HEPH: variants seen among roughly 807,000 people sequenced by gnomAD.
The protein encoded by HEPH is hephaestin.
Under a neutral mutation model 80.8 loss-of-function variants are expected in HEPH, and 69 were observed. The ratio of observed to expected loss-of-function variants is 0.85; its 90% CI spans 0.70 to 1.04. HEPH has a LOEUF of 1.04. Ranked by LOEUF, HEPH falls within the 50% of genes least tolerant of loss-of-function variation. The pLI is 0.00. For synonymous variants in HEPH, 431 were observed against 322.8 expected (o/e 1.34, Z -3.60); for missense variants, 1,115 against 891.3 (o/e 1.25, Z -3.20).
intron 15 of HEPH, among the ~76,000 whole-genome samples, chrX:66,252,903 G>T (rs1338842449): frequency 8.9e-6 from 1 of 112,168 alleles, no homozygotes; most frequent in Non-Finnish European, 1.9e-5. Flanking sequence ...ATATCCACAT[G>T]CAAAACTATG....
intron 15 of HEPH, among the ~76,000 whole-genome samples, chrX:66,234,925 A>G (rs1376494539): frequency 9.0e-6 from 1 of 110,874 alleles, no homozygotes; most frequent in Non-Finnish European, 1.9e-5. Flanking sequence ...CTGGGATTAC[A>G]GGCGTGAACC....
intron 10 of HEPH, among the ~76,000 whole-genome samples, chrX:66,198,157 TC>T (rs1222453634): frequency 4.9e-5 from 5 of 102,352 alleles, no homozygotes; most frequent in African/African-American, 1.5e-4. Flanking sequence ...CCTCCTTCCC[TC>T]CCTCCCTCTC....
intron 15 of HEPH, among the ~76,000 whole-genome samples, chrX:66,231,438 C>T (rs1476959880): frequency 9.6e-6 from 1 of 104,204 alleles, no homozygotes; most frequent in African/African-American, 3.5e-5. Context: ...TTGTTTGTAT[C>T]CTCTTTTATT....
chrX:66,190,058 A>G (rs1340311314), intron 6 of HEPH, 120 bp downstream of exon 6: 2 of 736,767 alleles, frequency 2.7e-6, no homozygotes, highest in African/African-American at 4.5e-5. Flanking sequence ...TCTTGGGATA[A>G]AGGATAGCAC....
intron 10 of HEPH, 25 bp downstream of exon 10, chrX:66,197,919 A>G: frequency 3.5e-6 from 4 of 1,149,544 alleles, no homozygotes; most frequent in Non-Finnish European, 4.7e-6. Context: ...ATCTGGCTGG[A>G]AAGCCTGCTG....
rs1207748479 is a variant in HEPH, at chrX:66,188,505, G to A, written c.772G>A (p.Glu258Lys). The A allele has an allele frequency of 8.3e-7, 1 of 1,210,480 alleles. No individual in the cohort carries two copies. The highest frequency in any genetic ancestry group is 1.1e-6 in the Non-Finnish European group (1 of 895,024). ...CTCAGATCCTGCTTCAGTGGACAAA[G>A]AAGATGAGACATTTCAGGAGAGCAA... ...YCSDPASVDKEDETFQESNRM... is the reference protein window; with the variant it reads ...YCSDPASVDKKDETFQESNRM... The change falls in exon 5 of 21, where the codon GAA becomes AAA. Residue 258 changes from glutamate to lysine, a missense_variant. By Grantham distance (56) the Glu-to-Lys change is moderately conservative (BLOSUM62 1). Around this residue, in one of 3 missense-constraint regions of HEPH, gnomAD observed 391 missense variants for 343.6 expected, o/e 1.14. Coordinates refer to ENST00000343002, the MANE Select transcript of HEPH (RefSeq NM_001367233.3).
At chrX:66,217,551 C>T in intron 15 of HEPH, among the ~76,000 whole-genome samples, 1 of 111,282 alleles carries the variant, frequency 9.0e-6, no homozygotes, top group Non-Finnish European at 1.9e-5. Context: ...AACTTGAAAC[C>T]AATCCTCAAA....
chrX:66,263,770 G>A, intron 20 of HEPH, 82 bp downstream of exon 20: 1 of 908,992 alleles, frequency 1.1e-6, no homozygotes, highest in Non-Finnish European at 1.6e-6. Context: ...TTAGGGTATG[G>A]GACTTATGTG....
chrX:66,188,423 C>G lies in HEPH; in HGVS notation c.690C>G (p.Phe230Leu). 8.3e-7 allele frequency: 1 copy of G among 1,206,658 alleles called. No individual in the cohort carries two copies. The highest frequency in any genetic ancestry group is 1.1e-6 in the Non-Finnish European group (1 of 892,516). Residue 230 changes from phenylalanine to leucine, a missense_variant, in exon 5 of 21, where the codon TTC becomes TTG. Physicochemically the swap from Phe to Leu is conservative, Grantham distance 22 (BLOSUM62 0). Around this residue, in one of 3 missense-constraint regions of HEPH, gnomAD observed 391 missense variants for 343.6 expected, o/e 1.14. Transcript: ENST00000343002. ...QDVDHDFFLL[F>L]SVVDENLSWH... ...TAGACCATGATTTCTTCCTCCTCTT[C>G]AGTGTGGTAGATGAGAACCTCAGCT...
At chrX:66,234,064 C>A (rs1602456728) in intron 15 of HEPH, among the ~76,000 whole-genome samples, 2 of 110,479 alleles carry the variant, frequency 1.8e-5, no homozygotes, top group African/African-American at 6.6e-5. Flanking sequence ...CTCTTCCCAC[C>A]CCTCACATTT....
intron 7 of HEPH, among the ~76,000 whole-genome samples, 193 bp from the exon 8 acceptor site, chrX:66,193,309 C>T (rs1279133243): frequency 9.1e-6 from 1 of 109,417 alleles, no homozygotes; most frequent in Non-Finnish European, 1.9e-5. Flanking sequence ...TTTGGAAAGG[C>T]TCAAGCAGAA....
At chrX:66,239,144 G>T (rs1214682951) in intron 15 of HEPH, among the ~76,000 whole-genome samples, 1 of 111,922 alleles carries the variant, frequency 8.9e-6, no homozygotes, top group Admixed American at 9.4e-5. Flanking sequence ...CCAGATTTTT[G>T]GGGCCTGTTC....
Position 66,203,446 on chromosome X carries a change from C to T in HEPH, c.2160C>T (p.Gly720=), listed in dbSNP as rs1046567697. The change falls in exon 13 of 21, where the codon GGC becomes GGT. Residue 720 remains glycine, a synonymous_variant. Coordinates refer to ENST00000343002, the MANE Select transcript of HEPH (RefSeq NM_001367233.3). Reference sequence around the variant, plus strand: ...TCTATAATGTCTCCCAGTGTCCTGGCCACCAAGCCACCCCTCGCCAACGCT... The same window carrying T: ...TCTATAATGTCTCCCAGTGTCCTGGTCACCAAGCCACCCCTCGCCAACGCT... The part of the protein sequence containing the change: ...RAIYNVSQCP[G]HQATPRQRYQ... The T allele has an allele frequency of 1.7e-6, 2 of 1,210,235 alleles. No individual in the cohort carries two copies. The highest frequency in any genetic ancestry group is 4.4e-5 in the Admixed American group (2 of 45,931).
intron 15 of HEPH, among the ~76,000 whole-genome samples, chrX:66,253,511 C>G (rs1360323094): frequency 8.9e-6 from 1 of 112,280 alleles, no homozygotes; most frequent in African/African-American, 3.2e-5. Flanking sequence ...TAATATGTTG[C>G]TGGTGAGAAT....
At chrX:66,174,898 T>C (rs957798181) in intron 4 of HEPH, among the ~76,000 whole-genome samples, 1 of 111,859 alleles carries the variant, frequency 8.9e-6, no homozygotes, top group Non-Finnish European at 1.9e-5. Flanking sequence ...TTTGAGTTCA[T>C]TGTAGATTCT....
intron 4 of HEPH, among the ~76,000 whole-genome samples, chrX:66,180,891 C>T (rs1166794529): frequency 1.2e-5 from 1 of 86,737 alleles, no homozygotes; most frequent in Non-Finnish European, 2.2e-5. Flanking sequence ...TATTCCCCTT[C>T]CTGTGTCCAT....
downstream of HEPH, chrX:66,267,423 G>GC (rs1354726117): frequency 8.9e-6 from 1 of 112,094 alleles, no homozygotes; most frequent in Non-Finnish European, 1.9e-5. Context: ...AGTCTCTGTG[G>GC]CTTCTGTCAC....
chrX:66,225,264 G>C (rs1602412824), intron 15 of HEPH, among the ~76,000 whole-genome samples: 1 of 111,520 alleles, frequency 9.0e-6, no homozygotes, highest in African/African-American at 3.3e-5. Context: ...GTTCCTAGTG[G>C]AGTGGGCTTA....
chrX:66,171,969 A>G (rs990617788), intron 2 of HEPH, among the ~76,000 whole-genome samples: 2 of 111,917 alleles, frequency 1.8e-5, no homozygotes, highest in African/African-American at 6.5e-5. Flanking sequence ...CTTGGCTCCA[A>G]AGCTTGGAGT....
Sources: gnomAD v4.1 joint callset for allele counts (sites outside exome capture counted in the v4.1 genomes callset) on GRCh38, gnomAD v4.1.1 for gene constraint, gnomAD v4.1.1 regional missense constraint, MANE v1.5 for transcripts, NCBI Gene and HGNC (gene_info 2026-07-23, HGNC 2026-07-21) for gene names.